CTNNA2: variants seen among roughly 807,000 people sequenced by gnomAD.
CTNNA2 encodes catenin alpha 2, also known as catenin alpha-2.
A neutral mutation model predicts 101.0 loss-of-function variants in CTNNA2; 42 were observed. The ratio of observed to expected loss-of-function variants is 0.42; its 90% CI spans 0.32 to 0.54. The LOEUF (loss-of-function observed/expected upper bound fraction) is 0.54, where lower values mean the gene tolerates loss of function less well. Ranked by LOEUF, CTNNA2 falls within the 20% of genes least tolerant of loss-of-function variation. The pLI is 0.14. For synonymous variants in CTNNA2, 450 were observed against 456.4 expected (o/e 0.99, Z 0.18); for missense variants, 871 against 1,223.1 (o/e 0.71, Z 4.29).
intron 6 of CTNNA2, among the ~76,000 whole-genome samples, chr2:79,893,698 C>T (rs1684461909): frequency 6.6e-6 from 1 of 152,200 alleles, no homozygotes; most frequent in Non-Finnish European, 1.5e-5. Flanking sequence ...AACTGATTCT[C>T]AAACCAGTGT....
At chr2:79,450,765 TATC>T (rs1285093890) in intron 4 of CTNNA2, among the ~76,000 whole-genome samples, 3 of 152,056 alleles carry the variant, frequency 2.0e-5, no homozygotes, top group African/African-American at 7.2e-5. Flanking sequence ...TATCACCAAA[TATC>T]TAAAGACCAA....
intron 15 of CTNNA2, among the ~76,000 whole-genome samples, chr2:80,596,176 ATG>A (rs749774749): frequency 7.0e-6 from 1 of 142,422 alleles, no homozygotes; most frequent in East Asian, 2.4e-4. Flanking sequence ...TCTATTGTTG[ATG>A]TGTAGGAATG....
At chr2:80,125,090 G>A (rs1374435605) in intron 7 of CTNNA2, among the ~76,000 whole-genome samples, 1 of 152,188 alleles carries the variant, frequency 6.6e-6, no homozygotes, top group Non-Finnish European at 1.5e-5. Context: ...GTTTGGATGA[G>A]AACCAAATCT....
chr2:80,175,575 G>A (rs956485871), intron 7 of CTNNA2, among the ~76,000 whole-genome samples: 66 of 152,262 alleles, frequency 4.3e-4, no homozygotes, highest in African/African-American at 1.6e-3. Context: ...TTCCAAATAA[G>A]ATTCCTGCTC....
chr2:79,377,459 C>T (rs1038537885), intron 4 of CTNNA2, among the ~76,000 whole-genome samples: 12 of 152,198 alleles, frequency 7.9e-5, no homozygotes, highest in Non-Finnish European at 1.5e-4. Context: ...TAATTGTAGA[C>T]AGACAATTCA....
At chr2:79,410,783 C>T (rs13022497) in intron 4 of CTNNA2, among the ~76,000 whole-genome samples, 5 of 148,226 alleles carry the variant, frequency 3.4e-5, no homozygotes, top group Non-Finnish European at 3.0e-5. Context: ...TGTCTCTGCC[C>T]GGCTTTGGTA....
chr2:80,022,074 T>TG (rs1211493067), intron 7 of CTNNA2, among the ~76,000 whole-genome samples: 1 of 152,216 alleles, frequency 6.6e-6, no homozygotes, highest in Admixed American at 6.5e-5. Context: ...GCTAATCAAA[T>TG]GGCTTGATAA....
At chr2:80,311,092 T>C (rs1677533944) in intron 7 of CTNNA2, among the ~76,000 whole-genome samples, 1 of 152,204 alleles carries the variant, frequency 6.6e-6, no homozygotes, top group Admixed American at 6.5e-5. Flanking sequence ...TATACATTCT[T>C]TCAGAATTTG....
intron 4 of CTNNA2, among the ~76,000 whole-genome samples, chr2:79,374,947 T>C (rs1420333982): frequency 6.6e-6 from 1 of 152,156 alleles, no homozygotes; most frequent in Non-Finnish European, 1.5e-5. Context: ...TTTAAATGCT[T>C]GAATTATTAA....
At chr2:80,111,488 T>C (rs1242613516) in intron 7 of CTNNA2, among the ~76,000 whole-genome samples, 2 of 152,202 alleles carry the variant, frequency 1.3e-5, no homozygotes, top group African/African-American at 2.4e-5. Context: ...ATATAGAATG[T>C]GGAAAATAAT....
intron 7 of CTNNA2, among the ~76,000 whole-genome samples, chr2:80,276,910 C>T (rs1056529983): frequency 5.9e-5 from 9 of 152,006 alleles, no homozygotes; most frequent in Non-Finnish European, 1.5e-5. Flanking sequence ...CAAAGTTAGC[C>T]CAGACCCCAC....
chr2:80,384,576 G>A (rs549763504), intron 7 of CTNNA2, among the ~76,000 whole-genome samples: 2 of 150,448 alleles, frequency 1.3e-5, no homozygotes, highest in Non-Finnish European at 3.0e-5. Flanking sequence ...AAAGGATGCT[G>A]TGGCATTCGA....
At chr2:79,233,798 T>C (rs555650214) in intron 2 of CTNNA2, among the ~76,000 whole-genome samples, 1 of 152,226 alleles carries the variant, frequency 6.6e-6, no homozygotes, top group East Asian at 1.9e-4. Context: ...TTTATCATTA[T>C]GTACAGCCAT....
chr2:80,604,313 C>T, intron 16 of CTNNA2, 134 bp downstream of exon 16: 1 of 689,400 alleles, frequency 1.5e-6, no homozygotes, highest in Non-Finnish European at 2.6e-6. Flanking sequence ...TGATATTTTA[C>T]ACACTGGTAT....
chr2:80,619,447 T>C (rs1229873396), intron 18 of CTNNA2, among the ~76,000 whole-genome samples: 2 of 151,914 alleles, frequency 1.3e-5, no homozygotes, highest in Non-Finnish European at 2.9e-5. Flanking sequence ...GTGAAAAAGG[T>C]ATTTTTATTT....
intron 4 of CTNNA2, among the ~76,000 whole-genome samples, chr2:79,503,319 C>T (rs186468201): frequency 5.2e-4 from 79 of 152,252 alleles, no homozygotes; most frequent in Non-Finnish European, 2.4e-4. Flanking sequence ...ACTGATACTA[C>T]GTGGTATATG....
chr2:79,517,904 T>C (rs1026379085), intron 1 of CTNNA2, among the ~76,000 whole-genome samples: 2 of 152,186 alleles, frequency 1.3e-5, no homozygotes, highest in South Asian at 4.1e-4. Flanking sequence ...TAGGAAAACT[T>C]GCATTAACAG....
rs1360699935 is a variant in CTNNA2, at chr2:80,322,665, G to A, written c.1057-70546G>A. Reference sequence around the variant, plus strand: ...CGCCGCGTGTGTTGTCAGGACGATCGGAAACGCGTGTGTGGGGAGATGGGT... The same window carrying A: ...CGCCGCGTGTGTTGTCAGGACGATCAGAAACGCGTGTGTGGGGAGATGGGT... On this transcript the variant is annotated intron_variant, in intron 7 of 18. Coordinates refer to ENST00000402739, the MANE Select transcript of CTNNA2 (RefSeq NM_001282597.3). 4.6e-5 allele frequency among the ~76,000 whole-genome samples: 7 copies of A among 152,098 alleles called. 1 individual carries two copies. Among genetic ancestry groups the A allele is most frequent in the African/African-American group, 1.4e-4 (6 of 41,552 alleles).
At chr2:79,962,790 G>C (rs1169318525) in intron 7 of CTNNA2, among the ~76,000 whole-genome samples, 1 of 152,274 alleles carries the variant, frequency 6.6e-6, no homozygotes, top group Admixed American at 6.5e-5. Flanking sequence ...ACACAAAATT[G>C]GCCGGGCGCG....
Sources: gnomAD v4.1 joint callset for allele counts (sites outside exome capture counted in the v4.1 genomes callset) on GRCh38, gnomAD v4.1.1 for gene constraint, MANE v1.5 for transcripts, NCBI Gene and HGNC (gene_info 2026-07-23, HGNC 2026-07-21) for gene names.